The following SLC35F4 variants were observed in gnomAD, a reference collection of about 807,000 sequenced individuals.
SLC35F4 encodes solute carrier family 35 member F4.
In SLC35F4, 24 loss-of-function variants were observed where a neutral mutation model predicts 44.2. The ratio of observed to expected loss-of-function variants is 0.54; its 90% confidence interval spans 0.39 to 0.76. The LOEUF (loss-of-function observed/expected upper bound fraction) is 0.76, where lower values mean the gene tolerates loss of function less well. Among genes scored for constraint, SLC35F4 ranks in the 30% least tolerant of loss-of-function variants. The pLI, the probability that SLC35F4 is intolerant of heterozygous loss-of-function variation, is 0.00. For missense variants in SLC35F4, 562 were observed against 586.1 expected, an observed-to-expected ratio of 0.96 and a Z score of 0.42; for synonymous variants, 238 against 223.6, an observed-to-expected ratio of 1.06 and a Z score of -0.57.
At chr14:57,767,336 C>T (rs1342259384) in intron 1 of SLC35F4, among the ~76,000 whole-genome samples, 1 of 152,078 alleles carries the variant, frequency 6.6e-6, no homozygotes, top group Non-Finnish European at 1.5e-5. Context: ...ACAAACCTAA[C>T]AAATTTAAAG....
At chr14:57,740,016 T>A (rs553172623) in intron 1 of SLC35F4, among the ~76,000 whole-genome samples, 48 of 152,232 alleles carry the variant, frequency 3.2e-4, no homozygotes, top group African/African-American at 1.0e-3. Flanking sequence ...TGGACCACCA[T>A]GACTGGATAA....
intron 1 of SLC35F4, among the ~76,000 whole-genome samples, chr14:57,689,661 C>T (rs2075170003): frequency 6.7e-6 from 1 of 150,116 alleles, no homozygotes; most frequent in Non-Finnish European, 1.5e-5. Flanking sequence ...ACTGCATGTT[C>T]TCACTCATTG....
intron 1 of SLC35F4, among the ~76,000 whole-genome samples, chr14:57,960,339 GC>G (rs1231623053): frequency 6.6e-6 from 1 of 152,192 alleles, no homozygotes; most frequent in Non-Finnish European, 1.5e-5. Context: ...AAAGGGCTCT[GC>G]CTCTGGCCAT....
chr14:57,846,711 G>A (rs1440615429), intron 1 of SLC35F4, among the ~76,000 whole-genome samples: 1 of 152,106 alleles, frequency 6.6e-6, no homozygotes, highest in Non-Finnish European at 1.5e-5. Flanking sequence ...ACAAAACTTG[G>A]AAAATCTAAA....
intron 1 of SLC35F4, among the ~76,000 whole-genome samples, chr14:57,810,012 G>A (rs1256105710): frequency 6.6e-6 from 1 of 152,150 alleles, no homozygotes; most frequent in Non-Finnish European, 1.5e-5. Context: ...GTCATGCTTA[G>A]GTAAAAGAAC....
At chr14:57,839,075 G>A (rs746336919) in intron 1 of SLC35F4, among the ~76,000 whole-genome samples, 2 of 152,042 alleles carry the variant, frequency 1.3e-5, no homozygotes, top group Non-Finnish European at 2.9e-5. Context: ...TGTCAGTCTA[G>A]GGATACCTAC....
chr14:57,903,478 A>G (rs905698520), intron 1 of SLC35F4, among the ~76,000 whole-genome samples: 5 of 152,222 alleles, frequency 3.3e-5, no homozygotes, highest in Non-Finnish European at 7.3e-5. Context: ...CATAGTTTAG[A>G]AAGTTCAGAG....
At chr14:57,660,576 C>A (rs898543934) in intron 1 of SLC35F4, among the ~76,000 whole-genome samples, 2 of 150,536 alleles carry the variant, frequency 1.3e-5, no homozygotes, top group Non-Finnish European at 3.0e-5. Flanking sequence ...GAGGAGACCA[C>A]GTGAGATGGT....
Position 57,866,023 on chromosome 14 carries a change from C to T in SLC35F4, c.-198G>A. 6.1e-6 allele frequency: 2 copies of T among 330,006 alleles called. No individual in the cohort carries two copies. Among genetic ancestry groups the T allele is most frequent in the Non-Finnish European group, 1.1e-5 (2 of 187,482 alleles). The allele number at this position is 330,006 out of a possible 1,614,324, so 20.4% of individuals were successfully genotyped here. On this transcript the variant is annotated 5_prime_UTR_variant, in exon 1 of 8. Transcript: ENST00000556826. ...GGCGGCGGCGGCGGCGGAGCGGCCC[C>T]CACTCGGGCCGGCCTCTCCGTCAGC...
At chr14:57,691,197 A>G (rs1309241045) in intron 1 of SLC35F4, among the ~76,000 whole-genome samples, 1 of 152,222 alleles carries the variant, frequency 6.6e-6, no homozygotes, top group Non-Finnish European at 1.5e-5. Context: ...GGAGGAAATG[A>G]AAAGGTGAAA....
intron 1 of SLC35F4, among the ~76,000 whole-genome samples, chr14:57,703,849 A>C (rs1292595171): frequency 6.6e-6 from 1 of 152,198 alleles, no homozygotes; most frequent in Non-Finnish European, 1.5e-5. Context: ...TCAGCTTGAA[A>C]ACAAGTGCCT....
At chr14:57,787,320 A>G (rs924593888) in intron 1 of SLC35F4, among the ~76,000 whole-genome samples, 5 of 152,212 alleles carry the variant, frequency 3.3e-5, no homozygotes, top group Non-Finnish European at 5.9e-5. Flanking sequence ...GAGAATTCTA[A>G]AAGCTTGGAA....
chr14:57,661,285 T>C (rs770197728), intron 1 of SLC35F4, among the ~76,000 whole-genome samples: 59 of 152,254 alleles, frequency 3.9e-4, no homozygotes, highest in Middle Eastern at 3.4e-3. Flanking sequence ...GGGGACAGCA[T>C]TGAACAGGAA....
At chr14:57,790,449 A>G (rs8006405) in intron 1 of SLC35F4, among the ~76,000 whole-genome samples, 43,616 of 152,030 alleles carry the variant, frequency 0.29, 6,887 homozygotes, top group Admixed American at 0.4. Context: ...GACCTCTTCA[A>G]TGAAAACTAC....
chr14:57,582,757 C>A (rs1201532748), intron 3 of SLC35F4, among the ~76,000 whole-genome samples: 1 of 152,174 alleles, frequency 6.6e-6, no homozygotes, highest in East Asian at 1.9e-4. Context: ...GTACTAGTTT[C>A]TTTTCCAGTT....
rs527862273 is a variant in SLC35F4, at chr14:57,676,598, G to A, written c.104-82474C>T. ...TAAAATTAATTTTTTTAAAAAGTAG[G>A]CAAAGGATATGAATAGACAATTCTC... On this transcript the variant is annotated intron_variant, in intron 1 of 7. Transcript: ENST00000556826. Among the ~76,000 whole-genome samples, 131 of 152,090 alleles carry A rather than the reference G, an allele frequency of 8.6e-4. 1 individual carries two copies. Among genetic ancestry groups the A allele is most frequent in the Non-Finnish European group, 1.7e-3 (117 of 67,994 alleles).
At chr14:57,903,711 T>G (rs1045388350) in intron 1 of SLC35F4, among the ~76,000 whole-genome samples, 5 of 152,188 alleles carry the variant, frequency 3.3e-5, no homozygotes, top group Non-Finnish European at 7.3e-5. Flanking sequence ...AACAAAAGTC[T>G]AAAGTGCAAT....
intron 1 of SLC35F4, among the ~76,000 whole-genome samples, chr14:57,632,184 C>T (rs988388901): frequency 1.3e-5 from 2 of 151,612 alleles, no homozygotes; most frequent in African/African-American, 4.8e-5. Context: ...GTTTCAACAA[C>T]AAAAAGTCTA....
chr14:57,885,264 T>C (rs1380966651), intron 1 of SLC35F4, among the ~76,000 whole-genome samples: 5 of 152,168 alleles, frequency 3.3e-5, no homozygotes, highest in Non-Finnish European at 5.9e-5. Flanking sequence ...TACTGTACCT[T>C]TGAATGCAGG....
Sources: allele counts gnomAD v4.1 joint callset (sites outside exome capture counted in the v4.1 genomes callset), GRCh38; gene constraint gnomAD v4.1.1; transcripts MANE v1.5; gene names NCBI Gene and HGNC (gene_info 2026-07-23, HGNC 2026-07-21).